FBXL7: variants seen among roughly 807,000 people sequenced by gnomAD.
The protein encoded by FBXL7 is F-box and leucine rich repeat protein 7.
A neutral mutation model predicts 38.3 loss-of-function variants in FBXL7; 12 were observed. That is an observed-to-expected ratio of 0.31 (90% CI 0.20 to 0.51). FBXL7 has a LOEUF of 0.51. Ranked by LOEUF, FBXL7 falls within the 20% of genes least tolerant of loss-of-function variation. The pLI is 0.98. For synonymous variants in FBXL7, 297 were observed against 300.9 expected, an observed-to-expected ratio of 0.99 and a Z score of 0.13; for missense variants, 567 against 676.4, an observed-to-expected ratio of 0.84 and a Z score of 1.79.
chr5:15,841,807 T>C (rs899533193), intron 2 of FBXL7, among the ~76,000 whole-genome samples: 1 of 152,202 alleles, frequency 6.6e-6, no homozygotes, highest in South Asian at 2.1e-4. Flanking sequence ...CCCAAGCCTT[T>C]GCAGCTTCCA....
chr5:15,601,144 G>A (rs543325954), intron 1 of FBXL7, among the ~76,000 whole-genome samples: 5 of 152,286 alleles, frequency 3.3e-5, no homozygotes, highest in Admixed American at 1.3e-4. Context: ...GGCTCTTGAT[G>A]CCAAGAAATG....
intron 2 of FBXL7, among the ~76,000 whole-genome samples, chr5:15,641,356 A>G (rs894793251): frequency 1.1e-4 from 17 of 152,294 alleles, no homozygotes; most frequent in African/African-American, 3.6e-4. Flanking sequence ...TCTACAACCA[A>G]TTAATTCACT....
chr5:15,553,495 C>T (rs982495147), intron 1 of FBXL7, among the ~76,000 whole-genome samples: 4 of 152,166 alleles, frequency 2.6e-5, no homozygotes, highest in African/African-American at 9.7e-5. Flanking sequence ...TCTACTCGAC[C>T]AGAAGCTCCA....
intron 2 of FBXL7, among the ~76,000 whole-genome samples, chr5:15,882,533 A>G (rs1036698959): frequency 2.0e-5 from 3 of 152,152 alleles, no homozygotes; most frequent in African/African-American, 7.2e-5. Context: ...GAATCAATCC[A>G]CCTTCCCCAT....
intron 2 of FBXL7, among the ~76,000 whole-genome samples, chr5:15,899,353 C>T (rs1372178311): frequency 6.6e-6 from 1 of 152,200 alleles, no homozygotes; most frequent in Non-Finnish European, 1.5e-5. Context: ...AGGCGTGAGC[C>T]ACCGCGCCTG....
chr5:15,566,351 G>T (rs1322386122), intron 1 of FBXL7, among the ~76,000 whole-genome samples: 2 of 152,160 alleles, frequency 1.3e-5, no homozygotes, highest in Non-Finnish European at 2.9e-5. Context: ...TCAATTATAA[G>T]TTGAGTTGGC....
At chr5:15,688,272 C>A (rs2126618281) in intron 2 of FBXL7, among the ~76,000 whole-genome samples, 1 of 152,230 alleles carries the variant, frequency 6.6e-6, no homozygotes, top group South Asian at 2.1e-4. Flanking sequence ...GGATGGGAAC[C>A]ATTGATTAAG....
intron 2 of FBXL7, among the ~76,000 whole-genome samples, chr5:15,651,286 C>T (rs754580183): frequency 7.2e-5 from 11 of 151,886 alleles, no homozygotes; most frequent in Middle Eastern, 3.4e-3. Flanking sequence ...TTAGTAGAGA[C>T]GGGGTTTCAC....
intron 2 of FBXL7, among the ~76,000 whole-genome samples, chr5:15,849,241 A>G (rs1739019827): frequency 6.6e-6 from 1 of 152,246 alleles, no homozygotes; most frequent in South Asian, 2.1e-4. Flanking sequence ...TGATCTGCCT[A>G]TTACAATTTA....
intron 2 of FBXL7, among the ~76,000 whole-genome samples, chr5:15,675,869 T>A (rs13185593): frequency 0.47 from 71,463 of 152,022 alleles, 17,274 homozygotes; most frequent in East Asian, 0.58. Context: ...ATTATTTTTC[T>A]TCTCTTTTTG....
intron 2 of FBXL7, among the ~76,000 whole-genome samples, chr5:15,851,385 A>G (rs569769980): frequency 2.0e-5 from 3 of 152,196 alleles, no homozygotes; most frequent in Non-Finnish European, 4.4e-5. Flanking sequence ...TCAGGTCGCA[A>G]CGGCACCTAA....
intron 1 of FBXL7, chr5:15,606,660 T>C (rs1740035731): frequency 1.3e-5 from 2 of 152,386 alleles, no homozygotes; most frequent in South Asian, 4.1e-4. Context: ...AACATGACTT[T>C]AGCAATTTCC....
rs565681381 is a variant in FBXL7, at chr5:15,930,710, T to C, written c.739+2209T>C. Among the ~76,000 whole-genome samples the C allele has an allele frequency of 3.3e-5, 5 of 152,216 alleles. No individual in the cohort carries two copies. The East Asian group carries it at 9.7e-4, about 29-fold the overall frequency. On this transcript the variant is annotated intron_variant, in intron 3 of 3. Coordinates refer to ENST00000504595, the MANE Select transcript of FBXL7 (RefSeq NM_012304.5). ...CAATGACAACAGTGATCTGTATACA[T>C]AGAGATAAAAATGAGGGGAATCTGC...
chr5:15,752,622 T>C (rs143288478), intron 2 of FBXL7, among the ~76,000 whole-genome samples: 1,799 of 152,312 alleles, frequency 0.012, 10 homozygotes, highest in South Asian at 0.02. Context: ...TTGTAATTTT[T>C]TTTGAAGTCC....
chr5:15,769,743 A>AG (rs139829948), intron 2 of FBXL7, among the ~76,000 whole-genome samples: 1 of 151,702 alleles, frequency 6.6e-6, no homozygotes, highest in Admixed American at 6.6e-5. Flanking sequence ...CACGAAAAAA[A>AG]AAAACACTGG....
chr5:15,694,415 C>T (rs141056466), intron 2 of FBXL7, among the ~76,000 whole-genome samples: 1 of 152,320 alleles, frequency 6.6e-6, no homozygotes, highest in Non-Finnish European at 1.5e-5. Context: ...CTTCCTTTGT[C>T]CCTAGCCTGA....
intron 1 of FBXL7, among the ~76,000 whole-genome samples, chr5:15,573,631 T>A (rs1738863961): frequency 6.6e-6 from 1 of 152,154 alleles, no homozygotes; most frequent in Admixed American, 6.5e-5. Context: ...GGAAAAAAGA[T>A]GTTCTTGTTA....
At chr5:15,541,626 C>T (rs1338041570) in intron 1 of FBXL7, among the ~76,000 whole-genome samples, 12 of 145,848 alleles carry the variant, frequency 8.2e-5, no homozygotes, top group Non-Finnish European at 1.8e-4. Flanking sequence ...CTTACTGCAA[C>T]CTCTGCCTTC....
intron 2 of FBXL7, among the ~76,000 whole-genome samples, chr5:15,727,847 A>T (rs568895030): frequency 9.9e-5 from 15 of 152,054 alleles, no homozygotes; most frequent in African/African-American, 2.9e-4. Context: ...GACTGCTACA[A>T]TGCACGTATT....
Sources: gnomAD v4.1 joint callset for allele counts (sites outside exome capture counted in the v4.1 genomes callset) on GRCh38, gnomAD v4.1.1 for gene constraint, MANE v1.5 for transcripts, NCBI Gene and HGNC (gene_info 2026-07-23, HGNC 2026-07-21) for gene names.